The following NTNG2 variants were observed in gnomAD, a reference collection of about 807,000 sequenced individuals.
The protein encoded by NTNG2 is netrin-G2.
Under a neutral mutation model 47.6 loss-of-function variants are expected in NTNG2, and 15 were observed. The ratio of observed to expected loss-of-function variants is 0.32; its 90% CI spans 0.21 to 0.49. The LOEUF (loss-of-function observed/expected upper bound fraction) is 0.49, where lower values mean the gene tolerates loss of function less well. Among genes scored for constraint, NTNG2 ranks in the 20% least tolerant of loss-of-function variants. The pLI, the probability that NTNG2 is intolerant of heterozygous loss-of-function variation, is 0.99. For missense variants in NTNG2, 578 were observed against 764.6 expected (o/e 0.76, Z 2.88); for synonymous variants, 307 against 324.6 (o/e 0.95, Z 0.58).
chr9:132,230,578 C>A lies in NTNG2; in HGVS notation c.1037C>A (p.Thr346Asn). The A allele has an allele frequency of 1.2e-6, 2 of 1,604,726 alleles. No individual in the cohort carries two copies. The highest frequency in any genetic ancestry group is 1.1e-5 in the South Asian group (1 of 89,070). Residue 346 changes from threonine (T) to asparagine (N), a missense_variant, in exon 5 of 8, where the codon ACT becomes AAT. Physicochemically the swap from Thr to Asn is moderately conservative, Grantham distance 65. Coordinates refer to ENST00000393229, the MANE Select transcript of NTNG2 (RefSeq NM_032536.4). Reference protein sequence around the residue: ...LPHGSPNACATAGSFGNCECY... With the variant: ...LPHGSPNACANAGSFGNCECY... ...GCCCGTCTCTCTCCCACAGGTGCCA[C>A]TGCAGGTTCCTTTGGCAGTAAGTAC...
intron 3 of NTNG2, among the ~76,000 whole-genome samples, chr9:132,223,108 G>A (rs964757660): frequency 2.0e-5 from 3 of 150,726 alleles, no homozygotes; most frequent in Admixed American, 6.6e-5. Context: ...AGTGAGACTC[G>A]GTCTCAAAAA....
At chr9:132,179,363 G>A (rs1213043350) in intron 2 of NTNG2, among the ~76,000 whole-genome samples, 1 of 152,170 alleles carries the variant, frequency 6.6e-6, no homozygotes, top group East Asian at 1.9e-4. Context: ...GACTGGCATG[G>A]CTCAGAGCCA....
At chr9:132,200,881 C>T (rs1291316293) in intron 3 of NTNG2, among the ~76,000 whole-genome samples, 2 of 152,218 alleles carry the variant, frequency 1.3e-5, no homozygotes, top group African/African-American at 2.4e-5. Context: ...ACTTTCAGCC[C>T]CTGGGCATCT....
chr9:132,177,962 T>A (rs976515641), intron 2 of NTNG2, among the ~76,000 whole-genome samples: 2 of 152,192 alleles, frequency 1.3e-5, no homozygotes, highest in Non-Finnish European at 2.9e-5. Flanking sequence ...TGGCCTCAAA[T>A]CTATTCCTCT....
chr9:132,220,030 T>A (rs1840247811), intron 3 of NTNG2, among the ~76,000 whole-genome samples: 1 of 152,232 alleles, frequency 6.6e-6, no homozygotes, highest in South Asian at 2.1e-4. Context: ...ACTCTGCCTA[T>A]CCTGGTGAGT....
At chr9:132,187,828 C>T (rs1349733404) in intron 2 of NTNG2, among the ~76,000 whole-genome samples, 3 of 152,258 alleles carry the variant, frequency 2.0e-5, no homozygotes, top group South Asian at 4.1e-4. Context: ...TCTCTGTGCC[C>T]TTCCTCCCTA....
At chr9:132,241,072 G>A in intron 7 of NTNG2, 28 bp downstream of exon 7, 1 of 1,571,774 alleles carries the variant, frequency 6.4e-7, no homozygotes, top group South Asian at 1.2e-5. Flanking sequence ...CCCGTGGGCG[G>A]GGCCTGCGGA....
chr9:132,210,385 C>A (rs954864664), intron 3 of NTNG2, among the ~76,000 whole-genome samples: 1 of 152,220 alleles, frequency 6.6e-6, no homozygotes, highest in Non-Finnish European at 1.5e-5. Context: ...AACACACAGA[C>A]CATGTTCCTC....
At chr9:132,217,858 C>T (rs992618455) in intron 3 of NTNG2, among the ~76,000 whole-genome samples, 1 of 152,192 alleles carries the variant, frequency 6.6e-6, no homozygotes, top group Non-Finnish European at 1.5e-5. Flanking sequence ...GATGGGGTTA[C>T]CATCTCTCAG....
At chr9:132,165,997 T>C (rs1252337228) in intron 1 of NTNG2, 9 of 152,148 alleles carry the variant, frequency 5.9e-5, no homozygotes, top group Admixed American at 5.9e-4. Context: ...GCTAATGAGC[T>C]CTCTCTCTCT....
chr9:132,174,538 C>T (rs973084205), intron 2 of NTNG2, among the ~76,000 whole-genome samples: 4 of 152,134 alleles, frequency 2.6e-5, no homozygotes, highest in African/African-American at 7.2e-5. Flanking sequence ...CTGGGCATGG[C>T]GCTGGACACA....
chr9:132,216,414 C>CTCTCTCTCTCTGTG lies in NTNG2; in HGVS notation c.858-10434_858-10433insCTCTCTCTCTGTGT, dbSNP rs1554790515. Among the ~76,000 whole-genome samples, 42 of 110,334 alleles carry CTCTCTCTCTCTGTG rather than the reference C, an allele frequency of 3.8e-4. 1 individual carries two copies. The highest frequency in any genetic ancestry group is 1.9e-3 in the African/African-American group (39 of 20,550). The allele number at this position is 110,334 out of a possible 152,430, so 72.4% of individuals were successfully genotyped here. A position where few individuals can be genotyped will look rare whatever the true frequency, so the allele number is the denominator to read the frequency against. On this transcript the variant is annotated intron_variant, in intron 3 of 7. Transcript: ENST00000393229. ...TCTCTCTCTCTCTCTCTCTCTCTCTCTGTGTGTGTGTGTATGTGTGTGTGT... is the reference window on the plus strand; with the variant it reads ...TCTCTCTCTCTCTCTCTCTCTCTCTCTCTCTCTCTCTGTGTGTGTGTGTGTGTATGTGTGTGTGT...
intron 3 of NTNG2, among the ~76,000 whole-genome samples, chr9:132,216,406 CTCTCTCTCTGTGTGTGTGTGTATGTG>C (rs1368202107): frequency 3.1e-5 from 3 of 95,536 alleles, no homozygotes; most frequent in East Asian, 5.9e-4. Context: ...CTCTCTCTCT[CTCTCTCTCTGTGTGTGTGTGTATGTG>C]TGTGTGTGTG....
intron 3 of NTNG2, among the ~76,000 whole-genome samples, chr9:132,214,796 G>A (rs547940470): frequency 7.2e-5 from 11 of 152,176 alleles, no homozygotes; most frequent in Admixed American, 2.0e-4. Context: ...GTTTTTTAGG[G>A]TAAGTATGTC....
In NTNG2 at chr9:132,215,087, G is replaced by C. The variant is rs907453052; in HGVS notation, c.858-11762G>C. On this transcript the variant is annotated intron_variant, in intron 3 of 7. Coordinates refer to ENST00000393229, the MANE Select transcript of NTNG2 (RefSeq NM_032536.4). This position sits in a 1 kb window ranked among gnomAD's most constrained non-coding sequence, Gnocchi z 4.2. ...TTTTTTTGTAGAGATTGGGGGGGGG[G>C]GTCTCACTTTCTTGCCCAGGCTGGT... Among the ~76,000 whole-genome samples the C allele has an allele frequency of 5.6e-5, 8 of 141,614 alleles. No individual in the cohort carries two copies. The highest frequency in any genetic ancestry group is 1.8e-4 in the African/African-American group (7 of 38,488). 92.9% of individuals were successfully genotyped at this position (141,614 alleles called of 152,430 possible).
rs779714420 is a variant in NTNG2, at chr9:132,240,875, G to A, written c.1223-35G>A. ...TCCGAGAAGACGGCGCCCACACGTA[G>A]CCCTGACCGCGCGCCCGTGCCCGTG... On this transcript the variant is annotated intron_variant, in intron 6 of 7. Transcript: ENST00000393229. The A allele has an allele frequency of 5.0e-6, 8 of 1,612,312 alleles. No homozygotes were observed. In the East Asian group the frequency reaches 1.8e-4, roughly 36 times the overall value.
chr9:132,192,229 A>T (rs1475135414), intron 2 of NTNG2, among the ~76,000 whole-genome samples: 1 of 152,078 alleles, frequency 6.6e-6, no homozygotes, highest in Admixed American at 6.5e-5. Flanking sequence ...CTGACTGGGG[A>T]CTGGGGTGGG....
rs1294687184 is a variant in NTNG2, at chr9:132,180,459, C to T, written c.213+13415C>T. The stretch of plus-strand genomic sequence containing the variant: ...AACGCACCTTGTCTCTGCCCCTGTC[C>T]CCACCCAGGCAACATCCAAAACCTT... On this transcript the variant is annotated intron_variant, in intron 2 of 7. Transcript: ENST00000393229. This position sits in a 1 kb window ranked among gnomAD's most constrained non-coding sequence, Gnocchi z 4.2. 6.6e-6 allele frequency among the ~76,000 whole-genome samples: 1 copy of T among 152,210 alleles called. No individual in the cohort carries two copies. The highest frequency in any genetic ancestry group is 1.5e-5 in the Non-Finnish European group (1 of 68,038).
intron 2 of NTNG2, among the ~76,000 whole-genome samples, chr9:132,168,558 G>A (rs1228712983): frequency 6.6e-6 from 1 of 152,108 alleles, no homozygotes; most frequent in Non-Finnish European, 1.5e-5. Context: ...AGAGAGAGAG[G>A]GAGGGAGAGA....
Sources: allele counts gnomAD v4.1 joint callset (sites outside exome capture counted in the v4.1 genomes callset), GRCh38; gene constraint gnomAD v4.1.1; non-coding constraint Gnocchi (gnomAD v3.1); transcripts MANE v1.5; gene names NCBI Gene and HGNC (gene_info 2026-07-23, HGNC 2026-07-21).